The following CSTPP1 variants were observed in gnomAD, a reference collection of about 807,000 sequenced individuals.
The protein encoded by CSTPP1 is UPF0705 protein C11orf49.
the CSTPP1 span, among the ~76,000 whole-genome samples, chr11:47,097,120 T>C: frequency 0.076 from 7,565 of 100,032 alleles, 383 homozygotes; most frequent in East Asian, 0.41. Flanking sequence ...GCCCCCCGCC[T>C]GGCCAGCCGC....
At chr11:47,062,890 C>T in the CSTPP1 span, among the ~76,000 whole-genome samples, 2 of 152,200 alleles carry the variant, frequency 1.3e-5, no homozygotes, top group African/African-American at 4.8e-5. Flanking sequence ...GCCCACATTC[C>T]TGCAGGGAGA....
At chr11:47,009,694 G>T in the CSTPP1 span, among the ~76,000 whole-genome samples, 1 of 152,124 alleles carries the variant, frequency 6.6e-6, no homozygotes, top group Admixed American at 6.5e-5. Flanking sequence ...CCACTTGGGA[G>T]GCTGAGGCAG....
At chr11:47,157,870 C>G in the CSTPP1 span, 23 of 1,614,150 alleles carry the variant, frequency 1.4e-5, no homozygotes, top group Non-Finnish European at 1.9e-5. Context: ...GACTGACCTT[C>G]TATGGATTCC....
the CSTPP1 span, among the ~76,000 whole-genome samples, chr11:47,015,967 C>T: frequency 6.6e-6 from 1 of 151,908 alleles, no homozygotes; most frequent in African/African-American, 2.4e-5. Flanking sequence ...AAACAAAAAT[C>T]AAGACTGTTC....
At chr11:47,162,307 G>A in the CSTPP1 span, 240 of 966,548 alleles carry the variant, frequency 2.5e-4, no homozygotes, top group African/African-American at 2.9e-3. Flanking sequence ...TTGGGTTTTC[G>A]GTGCTTTTCT....
chr11:46,943,094 G>A, the CSTPP1 span, among the ~76,000 whole-genome samples: 1 of 152,026 alleles, frequency 6.6e-6, no homozygotes, highest in African/African-American at 2.4e-5. Flanking sequence ...TTCTATCATT[G>A]TATACTCTCC....
At chr11:46,947,765 C>T in the CSTPP1 span, among the ~76,000 whole-genome samples, 1 of 152,158 alleles carries the variant, frequency 6.6e-6, no homozygotes, top group Admixed American at 6.5e-5. Context: ...TGATAAAACA[C>T]AAGCTTCAGT....
chr11:47,159,111 C>T, the CSTPP1 span, among the ~76,000 whole-genome samples: 1 of 152,234 alleles, frequency 6.6e-6, no homozygotes, highest in Non-Finnish European at 1.5e-5. Context: ...GCATGCCACC[C>T]ACAGCCTGGT....
At chr11:47,004,809 C>T in the CSTPP1 span, among the ~76,000 whole-genome samples, 1 of 152,194 alleles carries the variant, frequency 6.6e-6, no homozygotes, top group Non-Finnish European at 1.5e-5. Flanking sequence ...GAAAAGCAGA[C>T]TTTCTCTGCT....
At chr11:47,131,379 T>C in the CSTPP1 span, among the ~76,000 whole-genome samples, 1 of 152,304 alleles carries the variant, frequency 6.6e-6, no homozygotes, top group Admixed American at 6.5e-5. Flanking sequence ...CCCACAGAGC[T>C]TCAGAAGCAG....
chr11:47,076,894 A>C, the CSTPP1 span, among the ~76,000 whole-genome samples: 95,505 of 148,188 alleles, frequency 0.64, 31,208 homozygotes, highest in Middle Eastern at 0.7. Flanking sequence ...TAGCTGAAAG[A>C]AAAATTCAGT....
At chr11:46,938,116 C>T in the CSTPP1 span, among the ~76,000 whole-genome samples, 2 of 151,276 alleles carry the variant, frequency 1.3e-5, no homozygotes, top group Non-Finnish European at 2.9e-5. Context: ...TCAGGTGATC[C>T]GCCCACCTCG....
chr11:47,148,019 C>T, the CSTPP1 span, among the ~76,000 whole-genome samples: 1 of 152,094 alleles, frequency 6.6e-6, no homozygotes, highest in African/African-American at 2.4e-5. Context: ...GGAGCTAGGG[C>T]AGAGCAATGA....
chr11:47,048,146 CTT>C, the CSTPP1 span, among the ~76,000 whole-genome samples: 1 of 152,096 alleles, frequency 6.6e-6, no homozygotes, highest in East Asian at 1.9e-4. Flanking sequence ...AGCAATTGCA[CTT>C]GTAGGTATAC....
At chr11:47,081,755 T>G in the CSTPP1 span, among the ~76,000 whole-genome samples, 5 of 152,138 alleles carry the variant, frequency 3.3e-5, no homozygotes, top group Non-Finnish European at 7.3e-5. Context: ...ATTGGATTCT[T>G]TCCTCACATC....
the CSTPP1 span, among the ~76,000 whole-genome samples, chr11:47,032,898 C>T: frequency 6.6e-6 from 1 of 152,146 alleles, no homozygotes; most frequent in Non-Finnish European, 1.5e-5. Context: ...TGATAGTCTA[C>T]TATTGACCTT....
chr11:46,939,302 T>C, the CSTPP1 span, among the ~76,000 whole-genome samples: 1 of 151,818 alleles, frequency 6.6e-6, no homozygotes, highest in South Asian at 2.1e-4. Context: ...TTGGTCAGGC[T>C]GGTCTCAAAC....
chr11:47,039,175 G>C, the CSTPP1 span, among the ~76,000 whole-genome samples: 1 of 127,358 alleles, frequency 7.9e-6, no homozygotes, highest in South Asian at 2.5e-4. Flanking sequence ...AGGTTGTAGC[G>C]AGCCGAGGTC....
At chr11:47,075,093 A>G in the CSTPP1 span, among the ~76,000 whole-genome samples, 5 of 152,190 alleles carry the variant, frequency 3.3e-5, no homozygotes, top group Non-Finnish European at 7.4e-5. Context: ...GTAATACGTC[A>G]GGTGTGGTGG....
Sources: allele counts gnomAD v4.1 joint callset (sites outside exome capture counted in the v4.1 genomes callset), GRCh38; gene constraint gnomAD v4.1.1; transcripts MANE v1.5; gene names NCBI Gene and HGNC (gene_info 2026-07-23, HGNC 2026-07-21).